Variants in SLC2A14 observed in about 807,000 individuals in gnomAD.
SLC2A14 encodes solute carrier family 2 member 14.
In SLC2A14, 13 loss-of-function variants were observed where a neutral mutation model predicts 43.0. That is an observed-to-expected ratio of 0.30 (90% CI 0.20 to 0.48). The LOEUF (loss-of-function observed/expected upper bound fraction) is 0.48, where lower values mean the gene tolerates loss of function less well. Ranked by LOEUF, SLC2A14 falls within the 20% of genes least tolerant of loss-of-function variation. SLC2A14 has a pLI of 0.99. For missense variants in SLC2A14, 428 were observed against 620.4 expected (o/e 0.69, Z 3.29); for synonymous variants, 190 against 233.8 (o/e 0.81, Z 1.71).
At chr12:7,826,625 C>G (rs898299950) in intron 7 of SLC2A14, among the ~76,000 whole-genome samples, 3 of 152,072 alleles carry the variant, frequency 2.0e-5, no homozygotes, top group African/African-American at 4.8e-5. Flanking sequence ...CAGGAGTACT[C>G]TCTTCCCACA....
intron 2 of SLC2A14, among the ~76,000 whole-genome samples, chr12:7,841,684 T>C (rs1865957186): frequency 6.6e-6 from 1 of 152,166 alleles, no homozygotes; most frequent in African/African-American, 2.4e-5. Flanking sequence ...ATGTATGATA[T>C]CATACGGAAC....
rs57569188 is a variant in SLC2A14, at chr12:7,839,924, C to CAAAAAAAAAA, written c.19-7120_19-7111dup. 1.6e-4 allele frequency: 27 copies of CAAAAAAAAAA among 168,114 alleles called. 1 individual carries two copies. The highest frequency in any genetic ancestry group is 3.4e-4 in the South Asian group (8 of 23,710). 10.4% of individuals were successfully genotyped at this position (168,114 alleles called of 1,614,324 possible). On this transcript the variant is annotated intron_variant, in intron 2 of 10. Coordinates refer to ENST00000431042, the MANE Select transcript of SLC2A14 (RefSeq NM_001286234.2). ...GCGACACAAGGAGACCCTGTCTCTACAAAAAAAAAAAAAAAAAAAAAAAAA... is the reference window on the plus strand; with the variant it reads ...GCGACACAAGGAGACCCTGTCTCTACAAAAAAAAAAAAAAAAAAAAAAAAAAAAAAAAAAA...
At chr12:7,881,410 G>C (rs774648773) in intron 1 of SLC2A14, among the ~76,000 whole-genome samples, 1 of 152,102 alleles carries the variant, frequency 6.6e-6, no homozygotes, top group Non-Finnish European at 1.5e-5. Flanking sequence ...CGGGCAATGA[G>C]GGATTTAGCA....
chr12:7,861,845 C>T (rs1013303854), intron 2 of SLC2A14, among the ~76,000 whole-genome samples: 1 of 151,806 alleles, frequency 6.6e-6, no homozygotes, highest in African/African-American at 2.4e-5. Flanking sequence ...ACCTGCAATC[C>T]CACCTACTCG....
chr12:7,849,643 G>A (rs1473135305), intron 2 of SLC2A14, among the ~76,000 whole-genome samples: 1 of 152,036 alleles, frequency 6.6e-6, no homozygotes, highest in Non-Finnish European at 1.5e-5. Context: ...GCTCATGCCT[G>A]TAATCCCAGC....
In SLC2A14 at chr12:7,888,626, C is replaced by G. The variant is rs752790932; in HGVS notation, c.132+2370G>C. Among the ~76,000 whole-genome samples the G allele has an allele frequency of 2.0e-5, 3 of 151,820 alleles. No individual in the cohort carries two copies. In the South Asian group the frequency reaches 6.3e-4, roughly 32 times the overall value. ...CATCCTGGCCAACATGGTGAAACCC[C>G]GTCTCTACTAAAAATACAAAAATTA... On this transcript the variant is annotated intron_variant, in intron 1 of 9. Transcript: ENST00000539924.
chr12:7,880,215 A>C (rs773874956), intron 1 of SLC2A14, among the ~76,000 whole-genome samples: 14 of 151,372 alleles, frequency 9.2e-5, no homozygotes, highest in Non-Finnish European at 1.6e-4. Flanking sequence ...GCAGGAGAAC[A>C]GCTTGAACCT....
At chr12:7,866,512 C>A (rs1355993269) in intron 2 of SLC2A14, among the ~76,000 whole-genome samples, 2 of 151,894 alleles carry the variant, frequency 1.3e-5, no homozygotes, top group Admixed American at 1.3e-4. Flanking sequence ...CTATAGGCGC[C>A]TGCCACCACG....
chr12:7,854,709 G>GT (rs1455577355), intron 2 of SLC2A14, among the ~76,000 whole-genome samples: 1 of 151,930 alleles, frequency 6.6e-6, no homozygotes, highest in African/African-American at 2.4e-5. Context: ...TAAAGATGGG[G>GT]TTTCTCCATG....
chr12:7,864,222 T>C (rs1944781414), intron 2 of SLC2A14, among the ~76,000 whole-genome samples: 1 of 152,180 alleles, frequency 6.6e-6, no homozygotes, highest in Non-Finnish European at 1.5e-5. Flanking sequence ...TCTCTGAATG[T>C]AGCCTATCTT....
rs1025869971 is a variant in SLC2A14, at chr12:7,863,151, C to T, written c.18+6712G>A. 2.6e-5 allele frequency among the ~76,000 whole-genome samples: 4 copies of T among 152,094 alleles called. No individual in the cohort carries two copies. The East Asian group carries it at 5.8e-4, about 22-fold the overall frequency. ...TAACTCTCACCGCAAAGGTCTGCAG[C>T]TTCATTTTTGAGCCCAGCGAGACTA... On this transcript the variant is annotated intron_variant, in intron 2 of 10. Transcript: ENST00000431042.
intron 2 of SLC2A14, 45 bp from the exon 3 acceptor site, chr12:7,832,859 T>G: frequency 6.4e-7 from 1 of 1,567,674 alleles, no homozygotes; most frequent in Non-Finnish European, 8.8e-7. Context: ...CCTTAAAACT[T>G]GTAATTGATG....
At chr12:7,887,058 C>T (rs1230837841) in intron 1 of SLC2A14, among the ~76,000 whole-genome samples, 2 of 151,524 alleles carry the variant, frequency 1.3e-5, no homozygotes, top group African/African-American at 4.9e-5. Flanking sequence ...ATTACAGGCA[C>T]CCACCACCAC....
At chr12:7,876,480 G>T (rs1231996182), upstream of SLC2A14, among the ~76,000 whole-genome samples, 1 of 151,978 alleles carries the variant, frequency 6.6e-6, no homozygotes. Context: ...AAAAGAGAAA[G>T]TGTTTACATT....
chr12:7,842,051 ACTC>A (rs1049620913), intron 2 of SLC2A14, among the ~76,000 whole-genome samples: 19 of 149,986 alleles, frequency 1.3e-4, no homozygotes, highest in African/African-American at 4.4e-4. Flanking sequence ...TCCCTTCCCT[ACTC>A]CTCCAACCCC....
chr12:7,837,916 C>T (rs1865595772), intron 2 of SLC2A14, among the ~76,000 whole-genome samples: 1 of 151,896 alleles, frequency 6.6e-6, no homozygotes, highest in Non-Finnish European at 1.5e-5. Flanking sequence ...CGCCACCACG[C>T]CTGGTTAATT....
chr12:7,814,568 TA>T, intron 10 of SLC2A14, 34 bp from the exon 11 acceptor site: 1 of 1,592,566 alleles, frequency 6.3e-7, no homozygotes, highest in Non-Finnish European at 8.5e-7. Flanking sequence ...AAGGTTGATA[TA>T]AAAATCTGGT....
intron 2 of SLC2A14, among the ~76,000 whole-genome samples, chr12:7,853,244 G>T (rs2120941209): frequency 6.6e-6 from 1 of 151,944 alleles, no homozygotes; most frequent in African/African-American, 2.4e-5. Flanking sequence ...TTTGAGAGCA[G>T]CCTGACCAAC....
rs1363099009 is a variant in SLC2A14 at position 7,882,523 on chromosome 12, AGAAAAATAAAAGATATTT to A, written c.132+8455_132+8472del. On this transcript the variant is annotated intron_variant, in intron 1 of 9. Coordinates refer to the SLC2A14 transcript ENST00000539924. ...CAACGGAGCGAAACTTACCTCTCAA[AGAAAAATAAAAGATATTT>A]ATTTGAGGCTAGCGTCGGCAGTGGC... 3.9e-5 allele frequency among the ~76,000 whole-genome samples: 6 copies of A among 152,192 alleles called. No individual in the cohort carries two copies. The East Asian group carries it at 1.2e-3, about 29-fold the overall frequency.
Sources: gnomAD v4.1 joint callset for allele counts (sites outside exome capture counted in the v4.1 genomes callset) on GRCh38, gnomAD v4.1.1 for gene constraint, MANE v1.5 for transcripts, NCBI Gene and HGNC (gene_info 2026-07-23, HGNC 2026-07-21) for gene names.